Variants in GSDMC observed in about 807,000 individuals in gnomAD.
GSDMC encodes gasdermin-C.
GSDMC carries 59 observed loss-of-function variants against 58.0 expected under a neutral mutation model. The observed-to-expected ratio is 1.02, with a 90% CI of 0.82 to 1.26. GSDMC has a LOEUF of 1.26. Ranked by LOEUF, GSDMC falls within the 50% of genes most tolerant of loss-of-function variation. The pLI is 0.00. For missense variants in GSDMC, 659 were observed against 598.5 expected, an observed-to-expected ratio of 1.10 and a Z score of -1.06; for synonymous variants, 241 against 220.2, an observed-to-expected ratio of 1.09 and a Z score of -0.83.
At chr8:129,712,018 A>G in the GSDMC span, among the ~76,000 whole-genome samples, 3 of 152,332 alleles carry the variant, frequency 2.0e-5, no homozygotes, top group South Asian at 6.2e-4. Flanking sequence ...GCTACTTGGG[A>G]GCCTGAGGCA....
At chr8:129,718,175 G>A in the GSDMC span, among the ~76,000 whole-genome samples, 2 of 152,094 alleles carry the variant, frequency 1.3e-5, no homozygotes, top group Non-Finnish European at 2.9e-5. Flanking sequence ...TTGACAAATA[G>A]GATCTAATTA....
the GSDMC span, among the ~76,000 whole-genome samples, chr8:129,728,025 C>T: frequency 6.6e-6 from 1 of 152,174 alleles, no homozygotes; most frequent in Non-Finnish European, 1.5e-5. Context: ...GACAGAAATC[C>T]AGGCATTCAG....
At chr8:129,710,006 C>T in the GSDMC span, among the ~76,000 whole-genome samples, 269 of 152,270 alleles carry the variant, frequency 1.8e-3, no homozygotes, top group Admixed American at 3.3e-3. Context: ...TCTCTGGGTA[C>T]CAGCATTTAG....
the GSDMC span, chr8:129,729,956 G>A: frequency 0.052 from 79,110 of 1,507,484 alleles, 4,237 homozygotes; most frequent in East Asian, 0.25. Flanking sequence ...GTGGAGCTGC[G>A]GGGGCAGCAT....
chr8:129,762,284 G>A (rs2033693885), intron 5 of GSDMC, among the ~76,000 whole-genome samples: 2 of 152,214 alleles, frequency 1.3e-5, no homozygotes, highest in Non-Finnish European at 1.5e-5. Flanking sequence ...CTCTGTGGCT[G>A]ATGAGTTGCT....
At chr8:129,743,746 G>T (rs796772296), downstream of GSDMC, among the ~76,000 whole-genome samples, 3 of 152,230 alleles carry the variant, frequency 2.0e-5, no homozygotes, top group African/African-American at 7.2e-5. Flanking sequence ...TTCTTTTGAG[G>T]CTTGTTTTTA....
intron 3 of GSDMC, among the ~76,000 whole-genome samples, chr8:129,766,204 A>C (rs1386965344): frequency 6.6e-6 from 1 of 152,176 alleles, no homozygotes; most frequent in African/African-American, 2.4e-5. Flanking sequence ...CAATTAGCAC[A>C]ATCAGGGTGG....
At chr8:129,706,881 C>T in the GSDMC span, among the ~76,000 whole-genome samples, 9 of 152,322 alleles carry the variant, frequency 5.9e-5, no homozygotes, top group South Asian at 1.9e-3. Context: ...CAATAGGGCA[C>T]TTGTGTGCAT....
intron 2 of GSDMC, among the ~76,000 whole-genome samples, chr8:129,776,758 GTTT>G (rs1465390454): frequency 1.4e-5 from 2 of 140,274 alleles, no homozygotes; most frequent in East Asian, 2.2e-4. Flanking sequence ...TGTTGTTGTT[GTTT>G]TTGTTGTTGT....
the GSDMC span, among the ~76,000 whole-genome samples, chr8:129,710,980 C>A: frequency 2.4e-4 from 37 of 152,304 alleles, no homozygotes; most frequent in Non-Finnish European, 4.3e-4. Context: ...AGCCGTCTTG[C>A]AGATTCATGC....
chr8:129,730,646 CA>C, the GSDMC span, among the ~76,000 whole-genome samples: 1 of 152,206 alleles, frequency 6.6e-6, no homozygotes, highest in East Asian at 1.9e-4. Flanking sequence ...AGATGGTCCT[CA>C]ATTTACATTG....
chr8:129,774,849 G>A (rs758515989), intron 3 of GSDMC, among the ~76,000 whole-genome samples: 5 of 152,084 alleles, frequency 3.3e-5, no homozygotes, highest in Non-Finnish European at 7.4e-5. Context: ...TACTTATCAG[G>A]GACGTACAAA....
chr8:129,727,396 C>T, the GSDMC span, among the ~76,000 whole-genome samples: 1 of 152,096 alleles, frequency 6.6e-6, no homozygotes, highest in African/African-American at 2.4e-5. Flanking sequence ...TTCCAAATCC[C>T]AGGGAGGAGA....
chr8:129,718,565 C>A, the GSDMC span, among the ~76,000 whole-genome samples: 1 of 152,148 alleles, frequency 6.6e-6, no homozygotes, highest in Non-Finnish European at 1.5e-5. Flanking sequence ...GAAATTGTAA[C>A]GCTTTTACAC....
At chr8:129,752,622 C>T (rs1416905921) in intron 7 of GSDMC, 76 bp downstream of exon 7, 2 of 1,565,424 alleles carry the variant, frequency 1.3e-6, no homozygotes, top group East Asian at 2.3e-5. Context: ...CCCACATAAA[C>T]ACCAAATTTT....
the GSDMC span, among the ~76,000 whole-genome samples, chr8:129,720,342 T>G: frequency 6.6e-6 from 1 of 152,186 alleles, no homozygotes; most frequent in African/African-American, 2.4e-5. Flanking sequence ...TGAATTTGAG[T>G]ATGTACAATG....
At chr8:129,730,443 T>G in the GSDMC span, 1 of 1,088,402 alleles carries the variant, frequency 9.2e-7, no homozygotes, top group South Asian at 1.7e-5. Context: ...CCAAAAAGTT[T>G]AAGTTGATTT....
At chr8:129,709,868 C>A in the GSDMC span, among the ~76,000 whole-genome samples, 1 of 152,204 alleles carries the variant, frequency 6.6e-6, no homozygotes, top group African/African-American at 2.4e-5. Flanking sequence ...TGACCTTTCC[C>A]CACTGGCGGC....
At chr8:129,738,497 C>A in the GSDMC span, among the ~76,000 whole-genome samples, 1 of 152,168 alleles carries the variant, frequency 6.6e-6, no homozygotes, top group Non-Finnish European at 1.5e-5. Flanking sequence ...GAGTTCATGT[C>A]CTTTGCAAGG....
Sources: gnomAD v4.1 joint callset for allele counts (sites outside exome capture counted in the v4.1 genomes callset) on GRCh38, gnomAD v4.1.1 for gene constraint, MANE v1.5 for transcripts, NCBI Gene and HGNC (gene_info 2026-07-23, HGNC 2026-07-21) for gene names.